Variants in MACROD2 observed in about 807,000 individuals in gnomAD.
MACROD2 encodes mono-ADP ribosylhydrolase 2.
MACROD2 carries 36 observed loss-of-function variants against 70.4 expected under a neutral mutation model. The observed-to-expected ratio is 0.51, with a 90% CI of 0.39 to 0.68. MACROD2 has a LOEUF of 0.68. Ranked by LOEUF, MACROD2 falls within the 30% of genes least tolerant of loss-of-function variation. The pLI is 0.00. For missense variants in MACROD2, 496 were observed against 538.4 expected (o/e 0.92, Z 0.78); for synonymous variants, 172 against 178.8 (o/e 0.96, Z 0.30).
At chr20:15,846,949 A>G (rs993134368) in intron 8 of MACROD2, among the ~76,000 whole-genome samples, 8 of 86,850 alleles carry the variant, frequency 9.2e-5, no homozygotes, top group Non-Finnish European at 1.7e-4. Flanking sequence ...ATATATATAT[A>G]TATGGCTTCT....
intron 8 of MACROD2, among the ~76,000 whole-genome samples, chr20:15,755,792 A>C (rs116772741): frequency 0.011 from 1,708 of 152,308 alleles, 31 homozygotes; most frequent in African/African-American, 0.038. Flanking sequence ...TAAATTGTCC[A>C]TCATCAGTCA....
At chr20:14,340,152 G>C (rs1217125452) in intron 3 of MACROD2, among the ~76,000 whole-genome samples, 1 of 152,178 alleles carries the variant, frequency 6.6e-6, no homozygotes, top group African/African-American at 2.4e-5. Flanking sequence ...TCTTTAGCAT[G>C]AAACCCTTTT....
intron 15 of MACROD2, among the ~76,000 whole-genome samples, chr20:16,039,798 T>C (rs939970586): frequency 6.6e-5 from 10 of 151,976 alleles, no homozygotes; most frequent in Admixed American, 6.6e-4. Flanking sequence ...TTTTTCCTTT[T>C]CCACCTCATT....
At chr20:14,694,469 T>C (rs2071098840) in intron 5 of MACROD2, among the ~76,000 whole-genome samples, 1 of 152,220 alleles carries the variant, frequency 6.6e-6, no homozygotes, top group Admixed American at 6.5e-5. Context: ...TCTTTGATCA[T>C]ACCAACCCTC....
In MACROD2 at chr20:14,617,105, C is replaced by T. The variant is rs935104855; in HGVS notation, c.302-67738C>T. Among the ~76,000 whole-genome samples, 27 of 152,204 alleles carry T rather than the reference C, an allele frequency of 1.8e-4. 1 individual carries two copies. Among genetic ancestry groups the T allele is most frequent in the African/African-American group, 6.5e-4 (27 of 41,560 alleles). On this transcript the variant is annotated intron_variant, in intron 4 of 17. Transcript: ENST00000684519. ...AGTCATGTATCATTCAGTCCTATTA[C>T]CTGAACTGCCTTGTTTGACATTGTC... is the stretch of plus-strand genomic sequence containing the variant.
chr20:15,194,769 T>C (rs1206241611), intron 5 of MACROD2, among the ~76,000 whole-genome samples: 2 of 152,174 alleles, frequency 1.3e-5, no homozygotes, highest in African/African-American at 4.8e-5. Flanking sequence ...CTAATTTCTG[T>C]TACAGTGGAA....
intron 5 of MACROD2, among the ~76,000 whole-genome samples, chr20:15,029,684 G>A (rs995892436): frequency 6.6e-6 from 1 of 152,084 alleles, no homozygotes; most frequent in Non-Finnish European, 1.5e-5. Context: ...TTCAGTTTAT[G>A]TACAAAAACT....
At chr20:14,062,345 G>A (rs2053700777) in intron 2 of MACROD2, among the ~76,000 whole-genome samples, 1 of 152,140 alleles carries the variant, frequency 6.6e-6, no homozygotes, top group African/African-American at 2.4e-5. Context: ...ATCTAGCCTA[G>A]AAGTTCTCAT....
intron 2 of MACROD2, among the ~76,000 whole-genome samples, chr20:14,056,669 A>G (rs2053634054): frequency 6.6e-6 from 1 of 152,016 alleles, no homozygotes; most frequent in African/African-American, 2.4e-5. Flanking sequence ...TTTTTAGTAT[A>G]ATATAATCAG....
At chr20:15,384,603 C>A (rs183661664) in intron 6 of MACROD2, among the ~76,000 whole-genome samples, 1 of 152,144 alleles carries the variant, frequency 6.6e-6, no homozygotes, top group Non-Finnish European at 1.5e-5. Flanking sequence ...ATTCTTGTAA[C>A]CAATAAACAT....
intron 8 of MACROD2, among the ~76,000 whole-genome samples, chr20:15,565,264 A>T (rs2048295313): frequency 6.6e-6 from 1 of 152,240 alleles, no homozygotes; most frequent in African/African-American, 2.4e-5. Flanking sequence ...AAATCCCTAG[A>T]GATCTCTGAG....
At chr20:14,811,151 C>T (rs572723427) in intron 5 of MACROD2, among the ~76,000 whole-genome samples, 10 of 152,164 alleles carry the variant, frequency 6.6e-5, no homozygotes, top group South Asian at 2.1e-4. Flanking sequence ...GCAAAAAGAA[C>T]GAAGCTGGTG....
chr20:14,895,606 A>T (rs2073818350), intron 5 of MACROD2: 1 of 152,228 alleles, frequency 6.6e-6, no homozygotes, highest in African/African-American at 2.4e-5. Context: ...ACTGATTTCC[A>T]GATGGTGTTT....
chr20:14,961,580 T>C (rs2074583687), intron 5 of MACROD2, among the ~76,000 whole-genome samples: 1 of 152,154 alleles, frequency 6.6e-6, no homozygotes, highest in East Asian at 1.9e-4. Context: ...AAGGCTGGAG[T>C]GCAGTGGCGC....
At chr20:14,963,318 T>C (rs2074601262) in intron 5 of MACROD2, among the ~76,000 whole-genome samples, 1 of 152,060 alleles carries the variant, frequency 6.6e-6, no homozygotes, top group African/African-American at 2.4e-5. Context: ...GTGCCCTGTT[T>C]TGCCCTTCCC....
chr20:14,969,646 T>C (rs2122796743), intron 5 of MACROD2, among the ~76,000 whole-genome samples: 1 of 152,276 alleles, frequency 6.6e-6, no homozygotes, highest in East Asian at 1.9e-4. Context: ...GCCTTTGATT[T>C]TTTTTCCTAA....
At chr20:14,038,356 G>A (rs1485048026) in intron 2 of MACROD2, among the ~76,000 whole-genome samples, 1 of 151,872 alleles carries the variant, frequency 6.6e-6, no homozygotes, top group Non-Finnish European at 1.5e-5. Flanking sequence ...AGGTATAGTT[G>A]TGTTTTACAA....
At chr20:14,956,352 G>A (rs1311702885) in intron 5 of MACROD2, among the ~76,000 whole-genome samples, 1 of 152,078 alleles carries the variant, frequency 6.6e-6, no homozygotes, top group South Asian at 2.1e-4. Context: ...AATATCATTT[G>A]GATATGGGAT....
chr20:14,398,811 T>C (rs2083607006), intron 3 of MACROD2, among the ~76,000 whole-genome samples: 1 of 152,182 alleles, frequency 6.6e-6, no homozygotes, highest in Non-Finnish European at 1.5e-5. Flanking sequence ...ATATTTATCA[T>C]TTCCAGTGCT....
Sources: allele counts gnomAD v4.1 joint callset (sites outside exome capture counted in the v4.1 genomes callset), GRCh38; gene constraint gnomAD v4.1.1; transcripts MANE v1.5; gene names NCBI Gene and HGNC (gene_info 2026-07-23, HGNC 2026-07-21).